The following SATB1 variants were observed in gnomAD, a reference collection of about 807,000 sequenced individuals.
SATB1 encodes the protein SATB homeobox 1, also known as DNA-binding protein SATB1.
In SATB1, 11 loss-of-function variants were observed where a neutral mutation model predicts 86.9. The observed-to-expected ratio is 0.13, with a 90% CI of 0.08 to 0.21. The LOEUF (loss-of-function observed/expected upper bound fraction) is 0.21, where lower values mean the gene tolerates loss of function less well. Among genes scored for constraint, SATB1 ranks in the 10% least tolerant of loss-of-function variants. The pLI, the probability that SATB1 is intolerant of heterozygous loss-of-function variation, is 1.00. For missense variants in SATB1, 551 were observed against 937.6 expected (o/e 0.59, Z 5.39); for synonymous variants, 357 against 357.2 (o/e 1.00, Z 0.01).
chr3:18,440,321 A>G (rs1308352307), upstream of SATB1, among the ~76,000 whole-genome samples: 1 of 152,222 alleles, frequency 6.6e-6, no homozygotes, highest in Non-Finnish European at 1.5e-5. Flanking sequence ...ACAGAAATGA[A>G]AAGATGAAAT....
chr3:18,418,374 A>G (rs942506346), intron 2 of SATB1, among the ~76,000 whole-genome samples: 2 of 152,138 alleles, frequency 1.3e-5, no homozygotes, highest in African/African-American at 4.8e-5. Flanking sequence ...ATCTTTCTAC[A>G]TGTGAGTCTT....
upstream of SATB1, chr3:18,438,867 A>C (rs1025804919): frequency 6.6e-6 from 1 of 152,620 alleles, no homozygotes; most frequent in African/African-American, 2.4e-5. Flanking sequence ...TTAAGTCCAC[A>C]TAGGTACTAG....
intron 10 of SATB1, chr3:18,351,439 C>A: frequency 6.8e-7 from 1 of 1,472,890 alleles, no homozygotes; most frequent in Non-Finnish European, 9.2e-7. Context: ...GATGACTCAC[C>A]CCTAACCTAC....
intron 1 of SATB1, among the ~76,000 whole-genome samples, chr3:18,437,101 T>A (rs1699089586): frequency 6.6e-6 from 1 of 152,058 alleles, no homozygotes; most frequent in African/African-American, 2.4e-5. Context: ...TTATATAGAG[T>A]TTTAAGTAAT....
upstream of SATB1, among the ~76,000 whole-genome samples, chr3:18,426,973 C>T (rs546686598): frequency 6.6e-6 from 1 of 152,118 alleles, no homozygotes; most frequent in Non-Finnish European, 1.5e-5. The surrounding 1 kb of genome is among the most constrained non-coding windows in gnomAD (Gnocchi z 4.2). Flanking sequence ...CACGTTTCAC[C>T]CACAAACCAG....
intron 8 of SATB1, among the ~76,000 whole-genome samples, chr3:18,384,685 TTTTC>T (rs1161481282): frequency 6.6e-6 from 1 of 152,166 alleles, no homozygotes; most frequent in African/African-American, 2.4e-5. Context: ...TTCGTATATT[TTTTC>T]TTTTTTATCA....
At chr3:18,408,790 C>T (rs1030077819) in intron 5 of SATB1, 2 of 151,242 alleles carry the variant, frequency 1.3e-5, no homozygotes, top group African/African-American at 4.9e-5. Flanking sequence ...TCAAGTTTAA[C>T]TAGTAATTGA....
At chr3:18,379,635 G>A (rs977054057) in intron 8 of SATB1, among the ~76,000 whole-genome samples, 6 of 152,064 alleles carry the variant, frequency 3.9e-5, no homozygotes, top group East Asian at 1.9e-4. Context: ...TCAATTCTCC[G>A]TACTTAAAGC....
chr3:18,393,027 G>A (rs1488004981), intron 7 of SATB1, among the ~76,000 whole-genome samples: 1 of 150,884 alleles, frequency 6.6e-6, no homozygotes. Context: ...TAGAGGCTTT[G>A]TCAGGTCTCC....
At chr3:18,401,216 T>C (rs933958126) in intron 5 of SATB1, among the ~76,000 whole-genome samples, 2 of 152,272 alleles carry the variant, frequency 1.3e-5, no homozygotes, top group African/African-American at 4.8e-5. Flanking sequence ...ACAGACTAGG[T>C]GATCAATAAA....
chr3:18,372,974 C>G (rs1695549432), intron 9 of SATB1, among the ~76,000 whole-genome samples: 1 of 152,198 alleles, frequency 6.6e-6, no homozygotes, highest in Admixed American at 6.5e-5. Context: ...CAGCAGACTG[C>G]TGAGATGCAG....
upstream of SATB1, among the ~76,000 whole-genome samples, chr3:18,428,134 A>C (rs1698770795): frequency 6.6e-6 from 1 of 152,204 alleles, no homozygotes; most frequent in Admixed American, 6.5e-5. Context: ...TTTATTTCTT[A>C]CACTGTGGAG....
intron 5 of SATB1, among the ~76,000 whole-genome samples, chr3:18,401,852 C>T (rs191740911): frequency 2.0e-5 from 3 of 152,194 alleles, no homozygotes; most frequent in East Asian, 1.9e-4. Flanking sequence ...GCTGAAGTTC[C>T]GATCTGAAAG....
intron 9 of SATB1, among the ~76,000 whole-genome samples, chr3:18,358,712 A>T (rs1336697640): frequency 1.3e-5 from 2 of 151,964 alleles, no homozygotes; most frequent in African/African-American, 4.8e-5. Context: ...TATTTTTCAA[A>T]GTGTGGTTTC....
upstream of SATB1, among the ~76,000 whole-genome samples, chr3:18,441,025 G>C (rs1699230109): frequency 6.6e-6 from 1 of 152,156 alleles, no homozygotes. Context: ...TTGCAGCCTT[G>C]TGCCACTTTG....
intron 9 of SATB1, among the ~76,000 whole-genome samples, chr3:18,365,782 T>C (rs1449123673): frequency 6.6e-6 from 1 of 152,226 alleles, no homozygotes; most frequent in African/African-American, 2.4e-5. Flanking sequence ...CTTTCGTCCT[T>C]ATGGTTATCC....
intron 2 of SATB1, among the ~76,000 whole-genome samples, chr3:18,433,072 T>C (rs1337102258): frequency 6.6e-6 from 1 of 152,224 alleles, no homozygotes; most frequent in Non-Finnish European, 1.5e-5. Flanking sequence ...CCACTCACTT[T>C]GAGGTTCCTT....
chr3:18,411,969 G>A (rs1044788232), intron 5 of SATB1, among the ~76,000 whole-genome samples: 1 of 151,916 alleles, frequency 6.6e-6, no homozygotes, highest in African/African-American at 2.4e-5. Flanking sequence ...GTACCCAAAT[G>A]TAAGTATTCC....
chr3:18,433,642 G>A (rs536898838), intron 2 of SATB1, among the ~76,000 whole-genome samples: 6 of 151,658 alleles, frequency 4.0e-5, no homozygotes, highest in Admixed American at 6.6e-5. Context: ...TTTCTTATAC[G>A]CATAATTAAG....
Sources: gnomAD v4.1 joint callset for allele counts (sites outside exome capture counted in the v4.1 genomes callset) on GRCh38, gnomAD v4.1.1 for gene constraint, Gnocchi (gnomAD v3.1) non-coding constraint, MANE v1.5 for transcripts, NCBI Gene and HGNC (gene_info 2026-07-23, HGNC 2026-07-21) for gene names.